KIF7: variants seen among roughly 807,000 people sequenced by gnomAD.
KIF7 encodes the protein kinesin family member 7, also known as kinesin-like protein KIF7.
KIF7 carries 104 observed loss-of-function variants against 135.7 expected under a neutral mutation model. That is an observed-to-expected ratio of 0.77 (90% CI 0.65 to 0.90). The LOEUF (loss-of-function observed/expected upper bound fraction) is 0.90. Ranked by LOEUF, KIF7 falls within the 40% of genes least tolerant of loss-of-function variation. The pLI is 0.00. For synonymous variants in KIF7, 883 were observed against 809.4 expected (o/e 1.09, Z -1.54); for missense variants, 2,005 against 1,839.1 (o/e 1.09, Z -1.65).
intron 11 of KIF7, among the ~76,000 whole-genome samples, chr15:89,635,049 A>C (rs955708573): frequency 6.6e-6 from 1 of 151,884 alleles, no homozygotes; most frequent in Admixed American, 6.6e-5. Context: ...ACTGGGAGGC[A>C]CCCCCCAGCA....
intron 15 of KIF7, chr15:89,631,010 A>C: frequency 4.6e-6 from 1 of 215,680 alleles, no homozygotes; most frequent in Non-Finnish European, 9.4e-6. Flanking sequence ...TGTGTATCTA[A>C]ACATAGAAAA....
Position 89,648,529 on chromosome 15 carries a change from C to A in KIF7, c.1169G>T (p.Arg390Leu). 1 of 1,167,026 alleles carries A rather than the reference C, an allele frequency of 8.6e-7. No homozygotes were observed. The highest frequency in any genetic ancestry group is 1.1e-6 in the Non-Finnish European group (1 of 942,462). 72.3% of individuals were successfully genotyped at this position (1,167,026 alleles called of 1,614,324 possible). A position where few individuals can be genotyped will look rare whatever the true frequency, so the allele number is the denominator to read the frequency against. The change falls in exon 5 of 19, where the codon CGC (arginine) becomes CTC (leucine). Residue 390 changes from arginine to leucine, a missense_variant. Coordinates refer to ENST00000394412, the MANE Select transcript of KIF7 (RefSeq NM_198525.3). ...GGAGGCGGTGGCTGGGCCTGGGGCG[C>A]GCCGGCCGCGGTGGATGATGCGGGT... ...SETRIIHRGR[R>L]APGPATASAA...
chr15:89,650,628 G>A (rs1027908661), intron 2 of KIF7, among the ~76,000 whole-genome samples: 17 of 152,082 alleles, frequency 1.1e-4, no homozygotes, highest in Admixed American at 1.0e-3. Flanking sequence ...TCCTGACCTC[G>A]TGATCCGCCG....
At chr15:89,634,622 G>A (rs556938940) in intron 11 of KIF7, among the ~76,000 whole-genome samples, 59 of 152,342 alleles carry the variant, frequency 3.9e-4, no homozygotes, top group African/African-American at 1.4e-3. Context: ...TTTCCGATGG[G>A]CTTAAAAAAG....
chr15:89,647,832 C>A (rs1336724889), intron 5 of KIF7, 120 bp from the exon 6 acceptor site: 2 of 822,576 alleles, frequency 2.4e-6, no homozygotes, highest in Non-Finnish European at 3.8e-6. Flanking sequence ...GCAGTGGGAA[C>A]TCCAGACCCA....
chr15:89,633,043 G>A (rs749705671), intron 13 of KIF7, 47 bp from the exon 14 acceptor site: 35 of 1,464,162 alleles, frequency 2.4e-5, no homozygotes, highest in Non-Finnish European at 3.1e-5. Context: ...GCCCACCTCT[G>A]GCTGTGTCAG....
At position 89,621,518 on chromosome 15, in the gene KIF7, A is replaced by G. The variant is rs1406430846; in HGVS notation, c.181-3323T>C. Reference sequence around the variant, plus strand: ...TCGAATGAAAAAGCGTTCAAGAAACACTTTGGATTCGGAGGTACCTGCAGC... The same window carrying G: ...TCGAATGAAAAAGCGTTCAAGAAACGCTTTGGATTCGGAGGTACCTGCAGC... On this transcript the variant is annotated intron_variant and NMD_transcript_variant, in intron 1 of 2. Coordinates refer to the KIF7 transcript ENST00000558928. 1.9e-6 allele frequency: 3 copies of G among 1,613,736 alleles called. No homozygotes were observed. The African/African-American group carries it at 4.0e-5, about 22-fold the overall frequency.
chr15:89,661,558 C>T, the KIF7 span, among the ~76,000 whole-genome samples: 1 of 152,058 alleles, frequency 6.6e-6, no homozygotes, highest in Non-Finnish European at 1.5e-5. Flanking sequence ...ATAGTATATC[C>T]TAGATGGGGA....
At chr15:89,629,260 A>C in intron 17 of KIF7, 115 bp downstream of exon 17, 1 of 941,086 alleles carries the variant, frequency 1.1e-6, no homozygotes, top group Non-Finnish European at 1.4e-6. Flanking sequence ...CTGTAGGTGC[A>C]GGGGCTGTGA....
At chr15:89,645,557 C>T in intron 8 of KIF7, 106 bp from the exon 9 acceptor site, 1 of 892,432 alleles carries the variant, frequency 1.1e-6, no homozygotes, top group Admixed American at 2.0e-5. Context: ...TTCCACCTCC[C>T]AGGGTCAATA....
At chr15:89,645,287 G>T (rs767472011) in intron 9 of KIF7, 49 bp downstream of exon 9, 2 of 1,599,002 alleles carry the variant, frequency 1.3e-6, no homozygotes, top group Non-Finnish European at 1.7e-6. Context: ...GCCCAGAACC[G>T]TGGAGGGGCA....
chr15:89,626,241 C>G (rs1440379090), downstream of KIF7, among the ~76,000 whole-genome samples: 1 of 152,190 alleles, frequency 6.6e-6, no homozygotes, highest in African/African-American at 2.4e-5. Context: ...AACTTGTGTG[C>G]ATGTGAACAG....
At chr15:89,626,967 G>T (rs775210281), downstream of KIF7, 6 of 1,613,914 alleles carry the variant, frequency 3.7e-6, no homozygotes, top group East Asian at 1.3e-4. Flanking sequence ...TGAGGATGTG[G>T]ATGTTCTTCC....
intron 11 of KIF7, among the ~76,000 whole-genome samples, chr15:89,641,802 A>G (rs926309522): frequency 6.6e-6 from 1 of 152,136 alleles, no homozygotes; most frequent in Non-Finnish European, 1.5e-5. Flanking sequence ...CTCTGTCTCA[A>G]AGAAAGACTA....
At chr15:89,658,119 A>G (rs1241030127), upstream of KIF7, among the ~76,000 whole-genome samples, 1 of 152,160 alleles carries the variant, frequency 6.6e-6, no homozygotes, top group East Asian at 1.9e-4. Context: ...GACATTCGAG[A>G]GAACTCTTAA....
At chr15:89,643,871 G>C (rs549104629) in intron 10 of KIF7, among the ~76,000 whole-genome samples, 3 of 126,338 alleles carry the variant, frequency 2.4e-5, no homozygotes, top group Non-Finnish European at 4.9e-5. Flanking sequence ...GCAACAGAGT[G>C]AGACTCCGTC....
chr15:89,639,349 C>A (rs1156345030), intron 11 of KIF7, among the ~76,000 whole-genome samples: 1 of 148,922 alleles, frequency 6.7e-6, no homozygotes, highest in Non-Finnish European at 1.5e-5. Context: ...TCAGAGTGAA[C>A]AGGCAACCTA....
In KIF7 at chr15:89,633,853, G is replaced by T; in HGVS notation, c.2425C>A (p.Arg809=). ...VLKEKKQATE[R]LVSLSAQSEK... ...CTCTGGGCCGACAGTGACACCAGCC[G>T]CTCCGTAGCCTGCTTCTTCTCCTTC... Residue 809 remains arginine, a synonymous_variant, in exon 12 of 19, where the codon CGG becomes AGG. Transcript: ENST00000394412. 1 of 1,613,652 alleles carries T rather than the reference G, an allele frequency of 6.2e-7. No homozygotes were observed. The highest frequency in any genetic ancestry group is 1.3e-5 in the African/African-American group (1 of 75,054).
the KIF7 span, among the ~76,000 whole-genome samples, chr15:89,662,743 G>A: frequency 6.6e-5 from 10 of 152,224 alleles, no homozygotes; most frequent in South Asian, 1.0e-3. Context: ...GTGATGCCCC[G>A]CAGAACAGAG....
Sources: allele counts gnomAD v4.1 joint callset (sites outside exome capture counted in the v4.1 genomes callset), GRCh38; gene constraint gnomAD v4.1.1; transcripts MANE v1.5; gene names NCBI Gene and HGNC (gene_info 2026-07-23, HGNC 2026-07-21).